The following TRPM3 variants were observed in gnomAD, a reference collection of about 807,000 sequenced individuals.
TRPM3 encodes the protein transient receptor potential cation channel subfamily M member 3, also known as long transient receptor potential channel 3.
Under a neutral mutation model 181.2 loss-of-function variants are expected in TRPM3, and 77 were observed. That is an observed-to-expected ratio of 0.42 (90% CI 0.35 to 0.51). TRPM3 has a LOEUF of 0.51. Ranked by LOEUF, TRPM3 falls within the 20% of genes least tolerant of loss-of-function variation. The probability of loss-of-function intolerance (pLI) is 0.01; values close to 1 mark genes in which losing one functional copy is unlikely to be tolerated. For synonymous variants in TRPM3, 745 were observed against 796.4 expected, an observed-to-expected ratio of 0.94 and a Z score of 1.09; for missense variants, 1,759 against 2,196.7, an observed-to-expected ratio of 0.80 and a Z score of 3.98.
upstream of TRPM3, among the ~76,000 whole-genome samples, chr9:71,124,630 T>C (rs1411632575): frequency 6.6e-6 from 1 of 152,182 alleles, no homozygotes; most frequent in African/African-American, 2.4e-5. Context: ...AGAATCATGA[T>C]GAAATTTGAG....
In TRPM3 at chr9:70,625,662, C is replaced by CTA; in HGVS notation, c.1633-147_1633-146dup. The stretch of plus-strand genomic sequence containing the variant: ...AACACAAGGCTAGACAGGGCAAATG[C>CTA]TATCACTCCCAGGCACTAGGAACTA... On this transcript the variant is annotated intron_variant, in intron 12 of 25. Transcript: ENST00000677713. The surrounding 1 kb of genome is among the most constrained non-coding windows in gnomAD (Gnocchi z 4.8). 1 of 782,088 alleles carries CTA rather than the reference C, an allele frequency of 1.3e-6. No individual in the cohort carries two copies. Among genetic ancestry groups the CTA allele is most frequent in the South Asian group, 1.8e-5 (1 of 54,732 alleles). 48.4% of individuals were successfully genotyped at this position (782,088 alleles called of 1,614,324 possible). A position where few individuals can be genotyped will look rare whatever the true frequency, so the allele number is the denominator to read the frequency against.
At chr9:70,679,637 T>C (rs1563964030) in intron 9 of TRPM3, among the ~76,000 whole-genome samples, 1 of 152,174 alleles carries the variant, frequency 6.6e-6, no homozygotes, top group Non-Finnish European at 1.5e-5. Flanking sequence ...TCAACTTATC[T>C]TGAGCATGTT....
intron 19 of TRPM3, among the ~76,000 whole-genome samples, chr9:70,606,651 G>GTGTGTGTGTGTGTGTGTATA (rs145779027): frequency 7.1e-6 from 1 of 140,682 alleles, no homozygotes; most frequent in Non-Finnish European, 1.5e-5. Context: ...GTGTGTGTGT[G>GTGTGTGTGTGTGTGTGTATA]TATATATATA....
chr9:71,205,313 T>C lies in TRPM3; in HGVS notation c.183+241340A>G, dbSNP rs564889229. ...AGAGGAACAAGAACGATTATTTCTA[T>C]GAAATAAGTACTATTTTTACTCTCA... On this transcript the variant is annotated intron_variant, in intron 1 of 24. Transcript: ENST00000357533. 1.2e-4 allele frequency among the ~76,000 whole-genome samples: 19 copies of C among 152,294 alleles called. 1 individual carries two copies. The South Asian group carries it at 3.5e-3, about 28-fold the overall frequency.
intron 1 of TRPM3, among the ~76,000 whole-genome samples, chr9:71,042,571 T>A (rs1008442429): frequency 4.6e-5 from 7 of 152,196 alleles, no homozygotes; most frequent in Non-Finnish European, 5.9e-5. Context: ...ACAACATTCT[T>A]TAGTAGTTCT....
In TRPM3 at chr9:70,691,465, A is replaced by G. The variant is rs541211910; in HGVS notation, c.1273-9887T>C. 4.6e-5 allele frequency among the ~76,000 whole-genome samples: 7 copies of G among 152,348 alleles called. No individual in the cohort carries two copies. In the South Asian group the frequency reaches 1.2e-3, roughly 27 times the overall value. On this transcript the variant is annotated intron_variant, in intron 8 of 25. Coordinates refer to ENST00000677713, the MANE Select transcript of TRPM3 (RefSeq NM_001366145.2). ...TACTTTAAGTAGGAGATTGTCTTAT[A>G]GATTCAAGCACACTCACAGCACCAC...
At chr9:71,368,007 AGT>A (rs553290541) in intron 1 of TRPM3, among the ~76,000 whole-genome samples, 128 of 149,400 alleles carry the variant, frequency 8.6e-4, no homozygotes, top group South Asian at 8.5e-4. Context: ...CACACATGTG[AGT>A]GTATGTGTAC....
intron 1 of TRPM3, among the ~76,000 whole-genome samples, chr9:71,069,197 C>T (rs1489630562): frequency 3.9e-5 from 6 of 152,170 alleles, no homozygotes; most frequent in Admixed American, 3.9e-4. Flanking sequence ...TATGTAGCAC[C>T]AGGTAAGATG....
intron 1 of TRPM3, among the ~76,000 whole-genome samples, chr9:70,912,895 C>T (rs1225238711): frequency 3.9e-5 from 6 of 152,142 alleles, no homozygotes; most frequent in African/African-American, 1.4e-4. Flanking sequence ...TGAGGCTTAA[C>T]ATGCATATAT....
intron 1 of TRPM3, among the ~76,000 whole-genome samples, chr9:71,138,786 C>T (rs557172306): frequency 1.3e-5 from 2 of 152,222 alleles, no homozygotes; most frequent in East Asian, 3.9e-4. Context: ...CTGTAACTGG[C>T]TCTTTGATCC....
At chr9:70,973,867 A>G (rs1436394909) in intron 1 of TRPM3, among the ~76,000 whole-genome samples, 2 of 152,242 alleles carry the variant, frequency 1.3e-5, no homozygotes, top group Non-Finnish European at 2.9e-5. Context: ...GTCAGTTTCA[A>G]AGGCATGATA....
At chr9:70,822,022 C>G (rs1405551654) in intron 6 of TRPM3, among the ~76,000 whole-genome samples, 3 of 152,198 alleles carry the variant, frequency 2.0e-5, no homozygotes, top group Non-Finnish European at 4.4e-5. Flanking sequence ...TTTTCTGTCC[C>G]TAATCTTCAA....
chr9:70,770,908 T>A lies in TRPM3; in HGVS notation c.1149-9184A>T, dbSNP rs1458183476. ...CCGGCATGCATATTAGCTGGAGGAG[T>A]CCATCCCTATGGGGGAGATAGATTT... On this transcript the variant is annotated intron_variant, in intron 7 of 25. Transcript: ENST00000677713. Among the ~76,000 whole-genome samples, 6 of 152,034 alleles carry A rather than the reference T, an allele frequency of 3.9e-5. No homozygotes were observed. The South Asian group carries it at 1.0e-3, about 26-fold the overall frequency.
chr9:70,900,210 A>G (rs1385820702), intron 1 of TRPM3, among the ~76,000 whole-genome samples: 1 of 152,132 alleles, frequency 6.6e-6, no homozygotes, highest in Non-Finnish European at 1.5e-5. Context: ...ATGGTTTAAA[A>G]AGACTTATTA....
chr9:70,672,558 G>T (rs1481793775), intron 9 of TRPM3, among the ~76,000 whole-genome samples: 1 of 152,074 alleles, frequency 6.6e-6, no homozygotes, highest in Non-Finnish European at 1.5e-5. Context: ...TCTGTTACTT[G>T]TAACTAAAAC....
chr9:71,215,388 G>A (rs941528829), intron 1 of TRPM3, among the ~76,000 whole-genome samples: 3 of 152,256 alleles, frequency 2.0e-5, no homozygotes, highest in Non-Finnish European at 2.9e-5. Context: ...ATCACCAAAA[G>A]CCTGCAAAGT....
At chr9:71,407,039 T>G (rs544826364) in intron 1 of TRPM3, among the ~76,000 whole-genome samples, 10 of 152,328 alleles carry the variant, frequency 6.6e-5, no homozygotes, top group Admixed American at 3.9e-4. Context: ...CCAAATTGGC[T>G]ATTTTCTCCT....
At position 70,779,081 on chromosome 9, in the gene TRPM3, G is replaced by A. The variant is rs139260116; in HGVS notation, c.1148+5024C>T. ...CCTTTGCCTCAGCTAATCAAGTAAT[G>A]TAGGGACCCTTATTAAACATCCTTT... On this transcript the variant is annotated intron_variant, in intron 7 of 25. Transcript: ENST00000677713. Among the ~76,000 whole-genome samples, 754 of 152,042 alleles carry A rather than the reference G, an allele frequency of 5.0e-3. 5 individuals carry two copies. The highest frequency in any genetic ancestry group is 0.017 in the Middle Eastern group (5 of 294).
chr9:71,220,219 C>G (rs7049121), intron 1 of TRPM3, among the ~76,000 whole-genome samples: 61,362 of 152,038 alleles, frequency 0.4, 13,232 homozygotes, highest in East Asian at 0.52. Flanking sequence ...GCAACTCTCT[C>G]CAAAGGTGAT....
Sources: allele counts gnomAD v4.1 joint callset (sites outside exome capture counted in the v4.1 genomes callset), GRCh38; gene constraint gnomAD v4.1.1; non-coding constraint Gnocchi (gnomAD v3.1); transcripts MANE v1.5; gene names NCBI Gene and HGNC (gene_info 2026-07-23, HGNC 2026-07-21).